EMCN: variants seen among roughly 807,000 people sequenced by gnomAD.
EMCN encodes the protein MUC-14.
In EMCN, 37 loss-of-function variants were observed where a neutral mutation model predicts 38.4. That is an observed-to-expected ratio of 0.96 (90% CI 0.74 to 1.27). EMCN has a LOEUF of 1.27. Among genes scored for constraint, EMCN ranks in the 50% most tolerant of loss-of-function variants. EMCN has a pLI of 0.00. For missense variants in EMCN, 318 were observed against 302.8 expected (o/e 1.05, Z -0.37); for synonymous variants, 95 against 100.8 (o/e 0.94, Z 0.35).
At chr4:100,410,250 A>G (rs1726514226) in intron 11 of EMCN, 32 bp downstream of exon 11, 1 of 1,385,484 alleles carries the variant, frequency 7.2e-7, no homozygotes, top group Non-Finnish European at 1.0e-6. Flanking sequence ...GATATTAATG[A>G]TTGTCTCCGT....
At position 100,457,098 on chromosome 4, in the gene EMCN, T is replaced by G. The variant is rs1416978182; in HGVS notation, c.376+8325A>C. On this transcript the variant is annotated intron_variant, in intron 4 of 11. Transcript: ENST00000296420. ...TTTTTTTGCCTTAAATTCTACTTTT[T>G]CTGATATAGATGTATTTATTTCAGG... 3.3e-5 allele frequency among the ~76,000 whole-genome samples: 5 copies of G among 152,168 alleles called. No individual in the cohort carries two copies. The East Asian group carries it at 9.6e-4, about 29-fold the overall frequency.
chr4:100,464,818 A>G (rs1045712238), intron 4 of EMCN, among the ~76,000 whole-genome samples: 4 of 152,132 alleles, frequency 2.6e-5, no homozygotes, highest in African/African-American at 9.6e-5. Flanking sequence ...ATTGGTCTAT[A>G]GTTTTCTTTA....
chr4:100,474,573 A>C (rs1445485281), intron 3 of EMCN, among the ~76,000 whole-genome samples: 2 of 152,254 alleles, frequency 1.3e-5, no homozygotes, highest in Non-Finnish European at 2.9e-5. Context: ...ATTATTTATA[A>C]TCATTAGCAA....
At chr4:100,513,043 AC>A (rs1325733050) in intron 1 of EMCN, among the ~76,000 whole-genome samples, 14 of 152,128 alleles carry the variant, frequency 9.2e-5, no homozygotes. Flanking sequence ...GCTTTGTGAA[AC>A]CCTTAAATAT....
intron 8 of EMCN, among the ~76,000 whole-genome samples, chr4:100,418,326 G>A (rs899190142): frequency 6.6e-6 from 1 of 152,056 alleles, no homozygotes; most frequent in African/African-American, 2.4e-5. Flanking sequence ...TTTTGATATA[G>A]GCATGCAATG....
chr4:100,475,683 T>G (rs1449555357), intron 2 of EMCN, among the ~76,000 whole-genome samples: 3 of 129,680 alleles, frequency 2.3e-5, no homozygotes, highest in South Asian at 2.6e-4. Flanking sequence ...TTTTTTTTTT[T>G]TTTTTTTTTT....
intron 1 of EMCN, among the ~76,000 whole-genome samples, chr4:100,495,865 T>C (rs1578232077): frequency 6.6e-6 from 1 of 152,100 alleles, no homozygotes; most frequent in African/African-American, 2.4e-5. Context: ...AAATTTATTC[T>C]TGAATAGCTA....
chr4:100,511,244 A>G (rs1729617536), intron 1 of EMCN, among the ~76,000 whole-genome samples: 1 of 152,204 alleles, frequency 6.6e-6, no homozygotes, highest in Admixed American at 6.5e-5. Flanking sequence ...ATTTCCAAGC[A>G]TCTGTTTCTT....
chr4:100,446,898 T>C (rs889203675), intron 5 of EMCN, among the ~76,000 whole-genome samples: 3 of 152,190 alleles, frequency 2.0e-5, no homozygotes, highest in African/African-American at 4.8e-5. Context: ...ATATCAAAGA[T>C]GACCAGCACT....
intron 8 of EMCN, among the ~76,000 whole-genome samples, chr4:100,418,448 T>C (rs1726797989): frequency 6.6e-6 from 1 of 152,120 alleles, no homozygotes; most frequent in African/African-American, 2.4e-5. Context: ...TTAAGTTTAT[T>C]ATTGACTATA....
chr4:100,451,434 A>T (rs1560620515), intron 4 of EMCN, among the ~76,000 whole-genome samples: 1 of 151,898 alleles, frequency 6.6e-6, no homozygotes, highest in Non-Finnish European at 1.5e-5. Flanking sequence ...CAAATGAAAA[A>T]TATACACATT....
intron 5 of EMCN, among the ~76,000 whole-genome samples, chr4:100,446,595 AC>A: frequency 6.6e-6 from 1 of 152,148 alleles, no homozygotes; most frequent in Non-Finnish European, 1.5e-5. Flanking sequence ...TCATTTTTAA[AC>A]TTTAATTTTA....
chr4:100,469,871 C>T (rs1234586771), intron 3 of EMCN, among the ~76,000 whole-genome samples: 1 of 151,904 alleles, frequency 6.6e-6, no homozygotes, highest in African/African-American at 2.4e-5. Context: ...ATTTCTTTGG[C>T]TATTTGGGTT....
At chr4:100,471,021 C>T (rs1728462809) in intron 3 of EMCN, among the ~76,000 whole-genome samples, 2 of 151,844 alleles carry the variant, frequency 1.3e-5, no homozygotes, top group Non-Finnish European at 2.9e-5. Flanking sequence ...TCAAAATCCT[C>T]ACTGGCCAAT....
At position 100,517,983 on chromosome 4, in the gene EMCN, G is replaced by A. The variant is rs1729804167; in HGVS notation, c.-69C>T. On this transcript the variant is annotated 5_prime_UTR_variant, in exon 1 of 12. Transcript: ENST00000296420. ...GCAGGGACAATTCCCTCCCAGCCTG[G>A]CAGGGCCTTATTAGCAAATGGAAAA... 1 of 1,489,674 alleles carries A rather than the reference G, an allele frequency of 6.7e-7. No homozygotes were observed. The allele number at this position is 1,489,674 out of a possible 1,614,324, so 92.3% of individuals were successfully genotyped here. A position where few individuals can be genotyped will look rare whatever the true frequency, so the allele number is the denominator to read the frequency against.
chr4:100,437,396 T>A (rs988367509), intron 5 of EMCN, among the ~76,000 whole-genome samples: 3 of 152,146 alleles, frequency 2.0e-5, no homozygotes, highest in Non-Finnish European at 2.9e-5. Flanking sequence ...TGCAGAAGCT[T>A]TTTAGTTTGA....
chr4:100,506,951 T>A (rs1729494873), intron 1 of EMCN, among the ~76,000 whole-genome samples: 1 of 152,216 alleles, frequency 6.6e-6, no homozygotes, highest in South Asian at 2.1e-4. Flanking sequence ...TGCTAGTAAT[T>A]TAATCCTCTA....
chr4:100,477,340 T>C (rs1444395995), intron 2 of EMCN, among the ~76,000 whole-genome samples: 1 of 148,680 alleles, frequency 6.7e-6, no homozygotes, highest in Non-Finnish European at 1.5e-5. Flanking sequence ...TGTCAAATGT[T>C]GATTTTTAAC....
intron 5 of EMCN, among the ~76,000 whole-genome samples, chr4:100,427,700 T>G (rs894291568): frequency 2.0e-5 from 3 of 152,142 alleles, no homozygotes; most frequent in African/African-American, 4.8e-5. Flanking sequence ...AAGGTTTAAA[T>G]GCACCAATGT....
Sources: allele counts gnomAD v4.1 joint callset (sites outside exome capture counted in the v4.1 genomes callset), GRCh38; gene constraint gnomAD v4.1.1; transcripts MANE v1.5; gene names NCBI Gene and HGNC (gene_info 2026-07-23, HGNC 2026-07-21).